Variants in PRRG4 observed in about 807,000 individuals in gnomAD.
The protein encoded by PRRG4 is transmembrane gamma-carboxyglutamic acid protein 4.
A neutral mutation model predicts 20.0 loss-of-function variants in PRRG4; 12 were observed. The ratio of observed to expected loss-of-function variants is 0.60; its 90% CI spans 0.38 to 0.97. The LOEUF is 0.97. Ranked by LOEUF, PRRG4 falls within the 50% of genes least tolerant of loss-of-function variation. The pLI is 0.00. For synonymous variants in PRRG4, 94 were observed against 96.4 expected, an observed-to-expected ratio of 0.98 and a Z score of 0.15; for missense variants, 199 against 265.1, an observed-to-expected ratio of 0.75 and a Z score of 1.73.
intron 5 of PRRG4, among the ~76,000 whole-genome samples, chr11:32,846,540 A>T (rs1039063685): frequency 6.6e-6 from 1 of 152,164 alleles, no homozygotes; most frequent in African/African-American, 2.4e-5. Flanking sequence ...GTCTGCCCCC[A>T]TGGCTCTTAT....
At chr11:32,835,263 A>C (rs1283225051) in intron 2 of PRRG4, among the ~76,000 whole-genome samples, 1 of 152,260 alleles carries the variant, frequency 6.6e-6, no homozygotes, top group Non-Finnish European at 1.5e-5. Context: ...GCCAAAAATA[A>C]ATGTACAACT....
chr11:32,840,069 G>T lies in PRRG4; in HGVS notation c.317-38G>T. 1 of 1,460,114 alleles carries T rather than the reference G, an allele frequency of 6.8e-7. No individual in the cohort carries two copies. Among genetic ancestry groups the T allele is most frequent in the East Asian group, 2.3e-5 (1 of 43,940 alleles). The allele number at this position is 1,460,114 out of a possible 1,614,324, so 90.4% of individuals were successfully genotyped here. A position where few individuals can be genotyped will look rare whatever the true frequency, so the allele number is the denominator to read the frequency against. On this transcript the variant is annotated intron_variant, in intron 4 of 5. Coordinates refer to ENST00000257836, the MANE Select transcript of PRRG4 (RefSeq NM_024081.6). This position sits in a 1 kb window ranked among gnomAD's most constrained non-coding sequence, Gnocchi z 4.1. ...TTGAAATCATAGGTGATGCTATATAGTTGTTATATTTATGTTATTTTAATG... is the reference window on the plus strand; with the variant it reads ...TTGAAATCATAGGTGATGCTATATATTTGTTATATTTATGTTATTTTAATG...
rs55793077 is a variant in PRRG4, at chr11:32,840,798, C to T, written c.449+559C>T. Reference sequence around the variant, plus strand: ...GAGGCAAGAAGTCCTATAGTTTACGCTGAGTCACAGAGTTAACAGATCCAC... The same window carrying T: ...GAGGCAAGAAGTCCTATAGTTTACGTTGAGTCACAGAGTTAACAGATCCAC... On this transcript the variant is annotated intron_variant, in intron 5 of 5. Coordinates refer to ENST00000257836, the MANE Select transcript of PRRG4 (RefSeq NM_024081.6). The surrounding 1 kb of genome is among the most constrained non-coding windows in gnomAD (Gnocchi z 4.1). Among the ~76,000 whole-genome samples, 938 of 152,320 alleles carry T rather than the reference C, an allele frequency of 6.2e-3. 12 individuals are homozygous for T. Among genetic ancestry groups the T allele is most frequent in the African/African-American group, 0.022 (895 of 41,564 alleles).
chr11:32,832,283 T>C (rs1156725334), intron 2 of PRRG4, among the ~76,000 whole-genome samples: 1 of 152,172 alleles, frequency 6.6e-6, no homozygotes, highest in African/African-American at 2.4e-5. Context: ...GCAGGGTGTT[T>C]GTTAAACAGA....
Position 32,853,580 on chromosome 11 carries a change from G to T in PRRG4, c.*53G>T. 1 of 1,408,716 alleles carries T rather than the reference G, an allele frequency of 7.1e-7. No individual in the cohort carries two copies. The highest frequency in any genetic ancestry group is 1.2e-5 in the South Asian group (1 of 84,402). 87.3% of individuals were successfully genotyped at this position (1,408,716 alleles called of 1,614,324 possible). On this transcript the variant is annotated 3_prime_UTR_variant, in exon 6 of 6. Transcript: ENST00000257836. ...TTGTGTTATTTGATAGGCCGGGCAT[G>T]GTGGCTCATGCCTGTAATCCCAGCA...
At chr11:32,830,367 G>A in intron 1 of PRRG4, 141 bp from the exon 2 acceptor site, 1 of 857,226 alleles carries the variant, frequency 1.2e-6, no homozygotes, top group Non-Finnish European at 1.6e-6. Flanking sequence ...GCGCGCGTCG[G>A]GTTCCGGCGA....
At chr11:32,833,762 C>T (rs1452319029) in intron 2 of PRRG4, among the ~76,000 whole-genome samples, 1 of 152,122 alleles carries the variant, frequency 6.6e-6, no homozygotes, top group Non-Finnish European at 1.5e-5. Flanking sequence ...GGCCAAGAAC[C>T]AACATCCCTG....
Position 32,857,901 on chromosome 11 carries a change from TCCTCCAA to T in PRRG4, c.*4383_*4389del, listed in dbSNP as rs1390696396. 6.6e-6 allele frequency: 1 copy of T among 152,200 alleles called. No homozygotes were observed. Among genetic ancestry groups the T allele is most frequent in the Non-Finnish European group, 1.5e-5 (1 of 68,026 alleles). The allele number at this position is 152,200 out of a possible 1,614,324, so 9.4% of individuals were successfully genotyped here. On this transcript the variant is annotated 3_prime_UTR_variant, in exon 6 of 6. Coordinates refer to ENST00000257836, the MANE Select transcript of PRRG4 (RefSeq NM_024081.6). The stretch of plus-strand genomic sequence containing the variant: ...CCTTCATTCTTCTATATTTTGTGTC[TCCTCCAA>T]CCTCCAACTTTTTTTGTTTTTTGAA...
intron 5 of PRRG4, among the ~76,000 whole-genome samples, chr11:32,853,093 T>C (rs1851198281): frequency 6.6e-6 from 1 of 152,006 alleles, no homozygotes; most frequent in African/African-American, 2.4e-5. Context: ...CGGCCCAGGA[T>C]CAGATTTCAA....
At chr11:32,853,210 A>T in intron 5 of PRRG4, 86 bp from the exon 6 acceptor site, 1 of 870,932 alleles carries the variant, frequency 1.1e-6, no homozygotes, top group Non-Finnish European at 1.9e-6. Context: ...AATGTTTATT[A>T]AGATAGTTGG....
rs936629417 is a variant in PRRG4, at chr11:32,840,779, A to G, written c.449+540A>G. Among the ~76,000 whole-genome samples the G allele has an allele frequency of 1.3e-5, 2 of 152,244 alleles. No individual in the cohort carries two copies. Among genetic ancestry groups the G allele is most frequent in the African/African-American group, 2.4e-5 (1 of 41,470 alleles). On this transcript the variant is annotated intron_variant, in intron 5 of 5. Coordinates refer to ENST00000257836, the MANE Select transcript of PRRG4 (RefSeq NM_024081.6). This position sits in a 1 kb window ranked among gnomAD's most constrained non-coding sequence, Gnocchi z 4.1. ...TGTCTTCACATTATTTCCAGAGGCA[A>G]GAAGTCCTATAGTTTACGCTGAGTC...
intron 2 of PRRG4, among the ~76,000 whole-genome samples, chr11:32,834,619 A>T (rs548584968): frequency 6.6e-6 from 1 of 152,346 alleles, no homozygotes; most frequent in East Asian, 1.9e-4. Flanking sequence ...AAAACTAAAA[A>T]GTAATAGGTG....
intron 5 of PRRG4, among the ~76,000 whole-genome samples, chr11:32,841,151 A>G (rs1394589003): frequency 6.6e-6 from 1 of 151,790 alleles, no homozygotes; most frequent in Non-Finnish European, 1.5e-5. Context: ...TTCAAATTCT[A>G]TGAACAAGCT....
In PRRG4 at chr11:32,855,284, G is replaced by T. The variant is rs1027246134; in HGVS notation, c.*1757G>T. ...AGTATATGCACACAAATTTATCTGG[G>T]TGGGTATGTAGGTATATGTGAGTTT... On this transcript the variant is annotated 3_prime_UTR_variant, in exon 6 of 6. Coordinates refer to ENST00000257836, the MANE Select transcript of PRRG4 (RefSeq NM_024081.6). The T allele has an allele frequency of 7.2e-5, 11 of 152,102 alleles. No individual in the cohort carries two copies. The highest frequency in any genetic ancestry group is 1.3e-4 in the Non-Finnish European group (9 of 68,002). 9.4% of individuals were successfully genotyped at this position (152,102 alleles called of 1,614,324 possible).
rs1850963661 is a variant in PRRG4, at chr11:32,830,780, GTTTT to G, written c.103+152_103+155del. 5 of 1,272,110 alleles carry G rather than the reference GTTTT, an allele frequency of 3.9e-6. No homozygotes were observed. The South Asian group carries it at 5.8e-5, about 15-fold the overall frequency. 78.8% of individuals were successfully genotyped at this position (1,272,110 alleles called of 1,614,324 possible). ...TTTGTGGCATATTTGGCAAGGTTGT[GTTTT>G]TTTATGTTCTTTAACTGCAATTTAT... is the stretch of plus-strand genomic sequence containing the variant. On this transcript the variant is annotated intron_variant, in intron 2 of 5. Coordinates refer to ENST00000257836, the MANE Select transcript of PRRG4 (RefSeq NM_024081.6).
chr11:32,831,425 G>T (rs1218229330), intron 2 of PRRG4, among the ~76,000 whole-genome samples: 2 of 152,076 alleles, frequency 1.3e-5, no homozygotes, highest in Non-Finnish European at 2.9e-5. Flanking sequence ...ATTTGGGAAG[G>T]ATCTGTTACA....
intron 5 of PRRG4, among the ~76,000 whole-genome samples, chr11:32,849,431 G>A (rs370970702): frequency 2.6e-5 from 4 of 152,078 alleles, no homozygotes; most frequent in African/African-American, 9.7e-5. Context: ...TTGGGAGGCC[G>A]AGACGGGCAG....
chr11:32,845,874 A>G (rs1191077487), intron 5 of PRRG4, among the ~76,000 whole-genome samples: 1 of 151,968 alleles, frequency 6.6e-6, no homozygotes, highest in African/African-American at 2.4e-5. Context: ...TTGTAAGCCA[A>G]GGCCAGGCAC....
At chr11:32,838,976 C>CAA in intron 4 of PRRG4, 46 bp downstream of exon 4, 1 of 1,353,344 alleles carries the variant, frequency 7.4e-7, no homozygotes, top group Non-Finnish European at 1.1e-6. Context: ...CATCCTCTCT[C>CAA]TGTTGTAATA....
Sources: gnomAD v4.1 joint callset for allele counts (sites outside exome capture counted in the v4.1 genomes callset) on GRCh38, gnomAD v4.1.1 for gene constraint, Gnocchi (gnomAD v3.1) non-coding constraint, MANE v1.5 for transcripts, NCBI Gene and HGNC (gene_info 2026-07-23, HGNC 2026-07-21) for gene names.